CTNNA3: variants seen among roughly 807,000 people sequenced by gnomAD.
CTNNA3 encodes catenin alpha 3, also known as catenin alpha-3.
In CTNNA3, 76 loss-of-function variants were observed where a neutral mutation model predicts 95.7. The observed-to-expected ratio is 0.79, with a 90% CI of 0.66 to 0.96. The LOEUF is 0.96. Among genes scored for constraint, CTNNA3 ranks in the 40% least tolerant of loss-of-function variants. The probability of loss-of-function intolerance (pLI) is 0.00; values close to 1 mark genes in which losing one functional copy is unlikely to be tolerated. For missense variants in CTNNA3, 1,191 were observed against 1,089.8 expected (o/e 1.09, Z -1.31); for synonymous variants, 431 against 374.4 (o/e 1.15, Z -1.74).
chr10:66,070,834 A>G (rs1432064754), intron 14 of CTNNA3, among the ~76,000 whole-genome samples: 1 of 152,142 alleles, frequency 6.6e-6, no homozygotes, highest in Non-Finnish European at 1.5e-5. Context: ...CAGGGAGCTC[A>G]TTGGTTGCAC....
intron 13 of CTNNA3, among the ~76,000 whole-genome samples, chr10:66,139,508 A>G (rs16922533): frequency 0.21 from 32,469 of 152,002 alleles, 3,646 homozygotes; most frequent in Admixed American, 0.26. Context: ...CCTGCTAATG[A>G]CTTCAAAGAA....
chr10:65,976,692 T>C (rs1405750078), intron 16 of CTNNA3, among the ~76,000 whole-genome samples: 1 of 152,208 alleles, frequency 6.6e-6, no homozygotes, highest in Non-Finnish European at 1.5e-5. Flanking sequence ...GAGTCAGTTT[T>C]GCTCACTTAG....
chr10:67,554,031 T>C (rs1286278845), intron 3 of CTNNA3, among the ~76,000 whole-genome samples: 1 of 152,248 alleles, frequency 6.6e-6, no homozygotes, highest in Non-Finnish European at 1.5e-5. Context: ...GTCCTTGTGA[T>C]ACTTTGCTCA....
intron 9 of CTNNA3, among the ~76,000 whole-genome samples, chr10:66,730,468 A>G (rs2132663719): frequency 6.6e-6 from 1 of 152,310 alleles, no homozygotes; most frequent in Non-Finnish European, 1.5e-5. Flanking sequence ...GGGTGGGGAC[A>G]GGGAGTGCAT....
chr10:67,242,790 A>T (rs1865764556), intron 5 of CTNNA3, among the ~76,000 whole-genome samples: 1 of 152,220 alleles, frequency 6.6e-6, no homozygotes, highest in Non-Finnish European at 1.5e-5. Context: ...CAAGGCAGGA[A>T]GTCTGCCTCA....
chr10:66,878,863 C>T (rs898304698), intron 7 of CTNNA3, among the ~76,000 whole-genome samples: 3 of 152,144 alleles, frequency 2.0e-5, no homozygotes, highest in Non-Finnish European at 2.9e-5. Context: ...ATCCACCTGC[C>T]TGTTTTGCAA....
At chr10:66,126,149 A>T (rs1459571938) in intron 13 of CTNNA3, among the ~76,000 whole-genome samples, 1 of 152,186 alleles carries the variant, frequency 6.6e-6, no homozygotes, top group Non-Finnish European at 1.5e-5. Flanking sequence ...AATTAATGTA[A>T]TCCATAAGAC....
rs576761848 is a variant in CTNNA3, at chr10:66,887,521, A to G, written c.1048-111997T>C. Among the ~76,000 whole-genome samples the G allele has an allele frequency of 1.6e-3, 239 of 149,974 alleles. 1 individual carries two copies. Among genetic ancestry groups the G allele is most frequent in the Admixed American group, 2.9e-3 (44 of 14,968 alleles). ...AGCAAGAGTGAATGTCAGTTGCAGG[A>G]AAAAAAAAATGTGTCCAAAACTTTC... On this transcript the variant is annotated intron_variant, in intron 7 of 17. Transcript: ENST00000433211.
At chr10:66,416,731 A>G (rs1219752948) in intron 11 of CTNNA3, among the ~76,000 whole-genome samples, 3 of 152,040 alleles carry the variant, frequency 2.0e-5, no homozygotes, top group African/African-American at 7.2e-5. Context: ...TAAATGAAGG[A>G]GAAATAAAGT....
intron 10 of CTNNA3, among the ~76,000 whole-genome samples, chr10:66,549,655 C>T (rs1842154017): frequency 6.6e-6 from 1 of 152,098 alleles, no homozygotes. Flanking sequence ...TTAGCTTTTC[C>T]TACAAATTGT....
chr10:66,604,598 G>T (rs1302684891), intron 10 of CTNNA3, among the ~76,000 whole-genome samples: 3 of 152,042 alleles, frequency 2.0e-5, no homozygotes, highest in Admixed American at 6.6e-5. Flanking sequence ...CCCTAGTGTA[G>T]CAGATTTCTA....
chr10:66,832,268 G>A (rs1842747429), intron 7 of CTNNA3, among the ~76,000 whole-genome samples: 3 of 152,158 alleles, frequency 2.0e-5, no homozygotes, highest in South Asian at 4.1e-4. Context: ...TCTATAAGCA[G>A]TAGACAGGGC....
chr10:66,401,922 A>T (rs1398611109), intron 11 of CTNNA3, among the ~76,000 whole-genome samples: 1 of 152,022 alleles, frequency 6.6e-6, no homozygotes, highest in Non-Finnish European at 1.5e-5. Context: ...GTCTCCCAAA[A>T]GTGTTGGGAT....
chr10:67,130,309 CTT>C (rs1184312579), intron 7 of CTNNA3, among the ~76,000 whole-genome samples: 1 of 152,050 alleles, frequency 6.6e-6, no homozygotes, highest in East Asian at 1.9e-4. Context: ...TGATGAGGCT[CTT>C]TGTGATCTAG....
intron 10 of CTNNA3, among the ~76,000 whole-genome samples, chr10:66,572,866 G>C (rs1479958381): frequency 3.3e-5 from 5 of 152,112 alleles, no homozygotes; most frequent in Non-Finnish European, 7.3e-5. Context: ...CCAAAGACGT[G>C]TGTGCAAATA....
intron 11 of CTNNA3, among the ~76,000 whole-genome samples, chr10:66,420,397 G>T (rs916753386): frequency 6.6e-6 from 1 of 152,100 alleles, no homozygotes; most frequent in Non-Finnish European, 1.5e-5. Flanking sequence ...TGAACAGAGA[G>T]TGTCTATTAT....
chr10:66,641,467 A>G (rs1845515112), intron 9 of CTNNA3, among the ~76,000 whole-genome samples: 1 of 152,162 alleles, frequency 6.6e-6, no homozygotes, highest in Non-Finnish European at 1.5e-5. Flanking sequence ...ACTATAAGAG[A>G]TAATAAATGA....
chr10:67,546,627 G>T (rs1252307527), intron 3 of CTNNA3, among the ~76,000 whole-genome samples: 1 of 152,050 alleles, frequency 6.6e-6, no homozygotes, highest in African/African-American at 2.4e-5. Flanking sequence ...TTAAATAAAT[G>T]TTTAAACTTT....
intron 2 of CTNNA3, among the ~76,000 whole-genome samples, chr10:67,638,264 A>T (rs1839395397): frequency 6.6e-6 from 1 of 152,226 alleles, no homozygotes; most frequent in South Asian, 2.1e-4. Context: ...AAACAGACAA[A>T]GAAGGCCATT....
Sources: gnomAD v4.1 joint callset for allele counts (sites outside exome capture counted in the v4.1 genomes callset) on GRCh38, gnomAD v4.1.1 for gene constraint, MANE v1.5 for transcripts, NCBI Gene and HGNC (gene_info 2026-07-23, HGNC 2026-07-21) for gene names.